Variants in TACC2 observed in about 807,000 individuals in gnomAD.
TACC2 encodes the protein transforming acidic coiled-coil containing protein 2.
In TACC2, 137 loss-of-function variants were observed where a neutral mutation model predicts 227.3. That is an observed-to-expected ratio of 0.60 (90% CI 0.52 to 0.69). The LOEUF (loss-of-function observed/expected upper bound fraction) is 0.69. Ranked by LOEUF, TACC2 falls within the 30% of genes least tolerant of loss-of-function variation. The pLI is 0.00. For missense variants in TACC2, 3,470 were observed against 3,694.4 expected (o/e 0.94, Z 1.57); for synonymous variants, 1,523 against 1,487.5 (o/e 1.02, Z -0.55).
chr10:122,116,970 A>G (rs1279148871), intron 5 of TACC2, among the ~76,000 whole-genome samples: 1 of 151,766 alleles, frequency 6.6e-6, no homozygotes, highest in Non-Finnish European at 1.5e-5. Flanking sequence ...AACACCTGGC[A>G]AACAGAAGTG....
At chr10:122,095,119 C>T (rs1591930929) in intron 5 of TACC2, among the ~76,000 whole-genome samples, 3 of 152,308 alleles carry the variant, frequency 2.0e-5, no homozygotes, top group Middle Eastern at 6.8e-3. Context: ...TGGGTTTTGG[C>T]CCCTGATGGC....
chr10:122,054,015 A>G (rs1299760016), intron 3 of TACC2, among the ~76,000 whole-genome samples: 1 of 152,238 alleles, frequency 6.6e-6, no homozygotes, highest in African/African-American at 2.4e-5. Flanking sequence ...CTGCTCAGGC[A>G]TCATCTCCAC....
intron 8 of TACC2, among the ~76,000 whole-genome samples, chr10:122,197,819 G>C (rs1349740198): frequency 6.6e-6 from 1 of 152,210 alleles, no homozygotes; most frequent in African/African-American, 2.4e-5. Flanking sequence ...TTGATTTGCT[G>C]CCCTGGTTAG....
chr10:122,181,943 G>T (rs182761694), intron 7 of TACC2, among the ~76,000 whole-genome samples: 3 of 152,210 alleles, frequency 2.0e-5, no homozygotes, highest in Non-Finnish European at 4.4e-5. Context: ...CCTTCCTCGT[G>T]ATTGTACTGC....
intron 13 of TACC2, 79 bp from the exon 14 acceptor site, chr10:122,227,758 C>A: frequency 6.8e-7 from 1 of 1,460,508 alleles, no homozygotes; most frequent in Non-Finnish European, 9.3e-7. Flanking sequence ...GTGATATTGA[C>A]TTGGTCAGGG....
intron 5 of TACC2, among the ~76,000 whole-genome samples, chr10:122,099,164 A>G (rs1265834695): frequency 6.6e-6 from 1 of 152,192 alleles, no homozygotes; most frequent in Non-Finnish European, 1.5e-5. Flanking sequence ...GTGAAAAGTC[A>G]TCTGGCCCTG....
chr10:122,249,197 AGCAGCCCTTTTACCCAG>A (rs1368300113), intron 21 of TACC2, 41 bp downstream of exon 21: 2 of 1,489,298 alleles, frequency 1.3e-6, no homozygotes, highest in Non-Finnish European at 1.9e-6. Context: ...GGGGCCTCCC[AGCAGCCCTTTTACCCAG>A]GCAGGCTGGG....
Position 122,153,403 on chromosome 10 carries a change from C to T in TACC2, c.5834+9697C>T, listed in dbSNP as rs576111545. On this transcript the variant is annotated intron_variant, in intron 7 of 22. Transcript: ENST00000369005. ...AGCCCAGCAAAGTCAGAACACTGGC[C>T]GAGGCCCCAAGCTCTGAGGCCAAAG... is the stretch of plus-strand genomic sequence containing the variant. Among the ~76,000 whole-genome samples the T allele has an allele frequency of 5.3e-4, 81 of 152,316 alleles. No homozygotes were observed. In the South Asian group the frequency reaches 0.013, roughly 24 times the overall value.
At chr10:122,013,931 T>C (rs1287731042) in intron 1 of TACC2, among the ~76,000 whole-genome samples, 1 of 152,186 alleles carries the variant, frequency 6.6e-6, no homozygotes. Flanking sequence ...GAGAGGGTGG[T>C]CTTCAAGTTT....
chr10:122,007,722 C>G (rs959663964), intron 1 of TACC2, among the ~76,000 whole-genome samples: 6 of 151,574 alleles, frequency 4.0e-5, no homozygotes. Flanking sequence ...TCTTTTTTTT[C>G]TTTCTTTTCC....
chr10:122,092,023 G>A lies in TACC2; in HGVS notation c.5573+3432G>A, dbSNP rs369858741. ...AGATCCTTGATTCAAGCGCTGGAGCGTGCCCATTCTGGTGCCCAGTGGGTG... is the reference window on the plus strand; with the variant it reads ...AGATCCTTGATTCAAGCGCTGGAGCATGCCCATTCTGGTGCCCAGTGGGTG... On this transcript the variant is annotated intron_variant, in intron 5 of 22. Transcript: ENST00000369005. Among the ~76,000 whole-genome samples, 15 of 152,204 alleles carry A rather than the reference G, an allele frequency of 9.9e-5. 1 individual carries two copies. The highest frequency in any genetic ancestry group is 8.3e-4 in the South Asian group (4 of 4,836).
At chr10:122,145,506 G>A (rs1347604325) in intron 7 of TACC2, among the ~76,000 whole-genome samples, 1 of 152,174 alleles carries the variant, frequency 6.6e-6, no homozygotes, top group African/African-American at 2.4e-5. Flanking sequence ...GGGCACTGGG[G>A]GCTGGGATTT....
intron 3 of TACC2, among the ~76,000 whole-genome samples, chr10:122,055,655 C>T (rs1002890291): frequency 6.6e-6 from 1 of 152,128 alleles, no homozygotes; most frequent in Non-Finnish European, 1.5e-5. Flanking sequence ...CAACACACCC[C>T]CATGACACGA....
rs2138665514 is a variant in TACC2 at position 122,127,746 on chromosome 10, C to T, written c.5574-4863C>T. Among the ~76,000 whole-genome samples, 5 of 152,278 alleles carry T rather than the reference C, an allele frequency of 3.3e-5. No homozygotes were observed. The Middle Eastern group carries it at 0.017, about 518-fold the overall frequency. On this transcript the variant is annotated intron_variant, in intron 5 of 22. Transcript: ENST00000369005. ...CCCCATTTCCCCAGAAATTAGCTCT[C>T]TCCCATCCTTAGCCACCTGGAAAAT...
At chr10:122,082,215 G>C (rs781178233) in intron 3 of TACC2, among the ~76,000 whole-genome samples, 1 of 152,190 alleles carries the variant, frequency 6.6e-6, no homozygotes, top group Non-Finnish European at 1.5e-5. Flanking sequence ...GGTTGAGGTG[G>C]GAGCACTGCT....
At position 122,034,658 on chromosome 10, in the gene TACC2, G is replaced by A. The variant is rs568224566; in HGVS notation, c.33+12644G>A. ...AGAAGAAAATGTTTTGGGGCCGGGC[G>A]CAGTGGCTCACGCCTGTAATCTCAG... is the stretch of plus-strand genomic sequence containing the variant. On this transcript the variant is annotated intron_variant, in intron 2 of 22. Transcript: ENST00000369005. Among the ~76,000 whole-genome samples the A allele has an allele frequency of 6.7e-4, 102 of 152,206 alleles. 1 individual carries two copies. The highest frequency in any genetic ancestry group is 2.3e-3 in the African/African-American group (94 of 41,544).
intron 3 of TACC2, among the ~76,000 whole-genome samples, chr10:122,055,185 A>G (rs529430640): frequency 5.3e-5 from 8 of 151,976 alleles, no homozygotes; most frequent in Non-Finnish European, 1.2e-4. Context: ...GCACCACTGC[A>G]CTCCAGCCTG....
chr10:122,203,984 T>C (rs10887103), intron 8 of TACC2, among the ~76,000 whole-genome samples: 94,711 of 150,122 alleles, frequency 0.63, 30,652 homozygotes, highest in East Asian at 0.84. Context: ...AGCGAAACCC[T>C]GTCTCCACCA....
chr10:122,233,022 A>G (rs546156299), intron 16 of TACC2, among the ~76,000 whole-genome samples: 1 of 152,310 alleles, frequency 6.6e-6, no homozygotes, highest in African/African-American at 2.4e-5. Context: ...TGTTCCCTAG[A>G]GCAGCTTTGA....
Sources: allele counts gnomAD v4.1 joint callset (sites outside exome capture counted in the v4.1 genomes callset), GRCh38; gene constraint gnomAD v4.1.1; transcripts MANE v1.5; gene names NCBI Gene and HGNC (gene_info 2026-07-23, HGNC 2026-07-21).